The following DOCK4 variants were observed in gnomAD, a reference collection of about 807,000 sequenced individuals.
The protein encoded by DOCK4 is dedicator of cytokinesis protein 4.
A neutral mutation model predicts 268.1 loss-of-function variants in DOCK4; 97 were observed. The ratio of observed to expected loss-of-function variants is 0.36; its 90% CI spans 0.31 to 0.43. The LOEUF is 0.43. Ranked by LOEUF, DOCK4 falls within the 20% of genes least tolerant of loss-of-function variation. The pLI is 1.00. For synonymous variants in DOCK4, 954 were observed against 887.2 expected (o/e 1.08, Z -1.34); for missense variants, 2,145 against 2,455.7 (o/e 0.87, Z 2.67).
chr7:112,010,237 A>G (rs1158847974), intron 1 of DOCK4, among the ~76,000 whole-genome samples: 2 of 152,058 alleles, frequency 1.3e-5, no homozygotes, highest in Non-Finnish European at 2.9e-5. Flanking sequence ...AAGATAAAAT[A>G]TGGTGGAAAA....
At chr7:111,904,779 C>A (rs17158983) in intron 13 of DOCK4, among the ~76,000 whole-genome samples, 55,420 of 151,894 alleles carry the variant, frequency 0.36, 12,880 homozygotes, top group African/African-American at 0.66. Context: ...TTGTTATTAA[C>A]ATGAGAATAG....
intron 12 of DOCK4, among the ~76,000 whole-genome samples, chr7:111,916,980 GTTTTTTTTT>G (rs749349556): frequency 4.8e-5 from 4 of 83,996 alleles, no homozygotes; most frequent in Admixed American, 2.7e-4. Context: ...TTTCCCCCAT[GTTTTTTTTT>G]TTTTTTTTTT....
chr7:111,746,566 T>C (rs1446903414), intron 43 of DOCK4, 149 bp from the exon 44 acceptor site: 3 of 624,262 alleles, frequency 4.8e-6, no homozygotes, highest in Non-Finnish European at 8.5e-6. Context: ...GTGTAGGTGG[T>C]TGGTCAGAAT....
chr7:112,164,748 T>C (rs563350382), intron 1 of DOCK4, among the ~76,000 whole-genome samples: 3 of 152,354 alleles, frequency 2.0e-5, no homozygotes, highest in Admixed American at 2.0e-4. Flanking sequence ...ACTTGTTGAA[T>C]CTTTGTGACC....
chr7:112,176,605 AC>A (rs1453426639), intron 1 of DOCK4, among the ~76,000 whole-genome samples: 1 of 152,102 alleles, frequency 6.6e-6, no homozygotes, highest in African/African-American at 2.4e-5. Context: ...AAACAGAAAA[AC>A]CTATAGTTTG....
At chr7:111,897,068 A>C (rs926126172) in intron 15 of DOCK4, among the ~76,000 whole-genome samples, 11 of 152,096 alleles carry the variant, frequency 7.2e-5, no homozygotes, top group Admixed American at 6.5e-5. Flanking sequence ...CCTACGCATG[A>C]CCATAGCTCT....
chr7:112,154,273 G>T (rs994977338), intron 1 of DOCK4, among the ~76,000 whole-genome samples: 3 of 152,062 alleles, frequency 2.0e-5, no homozygotes, highest in Admixed American at 6.6e-5. Context: ...TACCCAGTTG[G>T]TTTTTTAAAA....
At chr7:111,753,836 G>C (rs1796850357) in intron 42 of DOCK4, among the ~76,000 whole-genome samples, 1 of 152,180 alleles carries the variant, frequency 6.6e-6, no homozygotes, top group South Asian at 2.1e-4. Context: ...TGTGTTCAGG[G>C]AACAAAACAG....
intron 15 of DOCK4, among the ~76,000 whole-genome samples, chr7:111,898,296 G>A (rs1790836196): frequency 6.6e-6 from 1 of 152,174 alleles, no homozygotes; most frequent in Non-Finnish European, 1.5e-5. Flanking sequence ...TCTTTCCCCA[G>A]ACAGAATAGT....
intron 26 of DOCK4, among the ~76,000 whole-genome samples, chr7:111,823,428 G>A (rs1185795988): frequency 2.0e-5 from 3 of 151,898 alleles, no homozygotes; most frequent in Admixed American, 6.6e-5. Flanking sequence ...GGCTGGTCTT[G>A]AACTCCTGAC....
intron 44 of DOCK4, 64 bp downstream of exon 44, chr7:111,746,270 G>T (rs1245620256): frequency 7.5e-7 from 1 of 1,330,312 alleles, no homozygotes. Context: ...ATGCAGAGGG[G>T]GCTCTAGGTA....
intron 30 of DOCK4, among the ~76,000 whole-genome samples, chr7:111,803,685 T>C (rs1278992732): frequency 6.6e-6 from 1 of 152,210 alleles, no homozygotes; most frequent in Non-Finnish European, 1.5e-5. Context: ...AACCTTTTTC[T>C]CTGTTCTTGC....
chr7:111,958,513 G>T (rs1271909579), intron 8 of DOCK4, among the ~76,000 whole-genome samples: 1 of 152,076 alleles, frequency 6.6e-6, no homozygotes, highest in African/African-American at 2.4e-5. Context: ...ACATCAATCT[G>T]GTTATCTTTT....
intron 1 of DOCK4, among the ~76,000 whole-genome samples, chr7:112,062,091 C>T (rs549095270): frequency 2.6e-5 from 4 of 152,226 alleles, no homozygotes; most frequent in African/African-American, 4.8e-5. Context: ...AGATCTGACT[C>T]CAAAGTATGT....
chr7:111,962,382 C>G (rs1389761504), intron 8 of DOCK4, among the ~76,000 whole-genome samples: 30 of 152,088 alleles, frequency 2.0e-4, no homozygotes, highest in Admixed American at 2.0e-3. Context: ...TTTAATCCTC[C>G]AATAACCCCA....
At chr7:112,166,562 C>A (rs1323874401) in intron 1 of DOCK4, among the ~76,000 whole-genome samples, 1 of 152,176 alleles carries the variant, frequency 6.6e-6, no homozygotes, top group African/African-American at 2.4e-5. Flanking sequence ...TGAATCTAAT[C>A]TAATCTATGA....
At chr7:111,989,293 T>G in intron 5 of DOCK4, 130 bp from the exon 6 acceptor site, 1 of 1,228,604 alleles carries the variant, frequency 8.1e-7, no homozygotes, top group Non-Finnish European at 1.1e-6. Context: ...CAGATGTCCG[T>G]GAACAGACAA....
At chr7:111,733,888 T>C (rs529624030) in intron 51 of DOCK4, among the ~76,000 whole-genome samples, 2 of 152,324 alleles carry the variant, frequency 1.3e-5, no homozygotes, top group South Asian at 4.1e-4. Context: ...TCAAAAATTA[T>C]TGGTGACTTG....
intron 30 of DOCK4, among the ~76,000 whole-genome samples, chr7:111,795,879 G>T (rs1160599466): frequency 6.6e-6 from 1 of 152,148 alleles, no homozygotes; most frequent in African/African-American, 2.4e-5. Context: ...CCACTGGTTT[G>T]AACTACCTTC....
Sources: gnomAD v4.1 joint callset for allele counts (sites outside exome capture counted in the v4.1 genomes callset) on GRCh38, gnomAD v4.1.1 for gene constraint, MANE v1.5 for transcripts, NCBI Gene and HGNC (gene_info 2026-07-23, HGNC 2026-07-21) for gene names.